Variants in NDST4 observed in about 807,000 individuals in gnomAD.
NDST4 encodes N-heparan sulfate sulfotransferase 4.
Under a neutral mutation model 100.8 loss-of-function variants are expected in NDST4, and 63 were observed. The observed-to-expected ratio is 0.62, with a 90% CI of 0.51 to 0.77. NDST4 has a LOEUF of 0.77. Among genes scored for constraint, NDST4 ranks in the 30% least tolerant of loss-of-function variants. NDST4 has a pLI of 0.00. For synonymous variants in NDST4, 377 were observed against 361.8 expected (o/e 1.04, Z -0.48); for missense variants, 943 against 1,018.4 (o/e 0.93, Z 1.01).
intron 1 of NDST4, among the ~76,000 whole-genome samples, chr4:115,081,201 G>T (rs530415966): frequency 6.6e-6 from 1 of 152,192 alleles, no homozygotes; most frequent in East Asian, 1.9e-4. Context: ...TTAGAAGAAT[G>T]ATAGATACAT....
At chr4:115,024,382 G>A (rs1727932275) in intron 2 of NDST4, among the ~76,000 whole-genome samples, 1 of 152,124 alleles carries the variant, frequency 6.6e-6, no homozygotes. Flanking sequence ...GGCTGCCTGA[G>A]GCCTTGGGGG....
At chr4:114,929,113 CATCTATCTATCTATCTATCT>C (rs70964332) in intron 6 of NDST4, among the ~76,000 whole-genome samples, 2 of 117,392 alleles carry the variant, frequency 1.7e-5, no homozygotes, top group Non-Finnish European at 3.7e-5. Flanking sequence ...TCCATCCATC[CATCTATCTATCTATCTATCT>C]ATCTATCTAT....
At chr4:114,993,337 A>T (rs1727081628) in intron 2 of NDST4, among the ~76,000 whole-genome samples, 1 of 151,866 alleles carries the variant, frequency 6.6e-6, no homozygotes, top group Admixed American at 6.6e-5. Context: ...ATGTATCTGT[A>T]AGAATTGGAG....
chr4:114,910,577 T>C (rs1725043315), intron 6 of NDST4, among the ~76,000 whole-genome samples: 2 of 152,240 alleles, frequency 1.3e-5, no homozygotes, highest in South Asian at 4.1e-4. Context: ...TTGAAATGTG[T>C]TCTTTTTCTC....
chr4:114,928,308 G>A (rs115838844), intron 6 of NDST4, among the ~76,000 whole-genome samples: 2,931 of 152,192 alleles, frequency 0.019, 45 homozygotes, highest in Middle Eastern at 0.054. Flanking sequence ...AGGCTTGTTG[G>A]AACCTTAAAC....
chr4:114,846,512 G>A (rs529691356), intron 9 of NDST4, among the ~76,000 whole-genome samples: 2 of 152,252 alleles, frequency 1.3e-5, no homozygotes, highest in East Asian at 1.9e-4. Context: ...TTCGTAATTT[G>A]TAGTATACGT....
rs140552464 is a variant in NDST4 at position 114,937,986 on chromosome 4, T to C, written c.1222-483A>G. On this transcript the variant is annotated intron_variant, in intron 4 of 13. Transcript: ENST00000264363. The stretch of plus-strand genomic sequence containing the variant: ...ACTGAAAGATTTTGAATTAATTCGA[T>C]TTCAACAAGGTAGATAAGGAAGCTC... Among the ~76,000 whole-genome samples, 711 of 152,266 alleles carry C rather than the reference T, an allele frequency of 4.7e-3. 6 individuals carry two copies. Among genetic ancestry groups the C allele is most frequent in the Middle Eastern group, 0.014 (4 of 294 alleles).
chr4:115,025,669 G>A (rs1727967786), intron 2 of NDST4, among the ~76,000 whole-genome samples: 1 of 152,038 alleles, frequency 6.6e-6, no homozygotes, highest in Non-Finnish European at 1.5e-5. Context: ...TTTCTAGAGT[G>A]CTTAAACTCT....
At chr4:114,967,251 C>A (rs1481336654) in intron 4 of NDST4, among the ~76,000 whole-genome samples, 1 of 152,066 alleles carries the variant, frequency 6.6e-6, no homozygotes, top group Non-Finnish European at 1.5e-5. Context: ...AGGAAAAGGA[C>A]AGTGTCATTT....
intron 8 of NDST4, among the ~76,000 whole-genome samples, chr4:114,849,047 T>C (rs1325222999): frequency 6.6e-6 from 1 of 152,164 alleles, no homozygotes; most frequent in African/African-American, 2.4e-5. Flanking sequence ...CACAGCAAGG[T>C]TGAAAGAAGA....
intron 4 of NDST4, among the ~76,000 whole-genome samples, chr4:114,967,408 A>ACT (rs952651196): frequency 6.6e-6 from 1 of 152,126 alleles, no homozygotes; most frequent in Non-Finnish European, 1.5e-5. Context: ...CTCTGAATGG[A>ACT]CTCTAAATAG....
At chr4:114,996,407 A>G (rs1727163535) in intron 2 of NDST4, among the ~76,000 whole-genome samples, 1 of 152,116 alleles carries the variant, frequency 6.6e-6, no homozygotes, top group South Asian at 2.1e-4. Flanking sequence ...AGACCTGAGT[A>G]TTTCTTTATA....
At chr4:115,032,627 A>G (rs1430605280) in intron 2 of NDST4, among the ~76,000 whole-genome samples, 1 of 152,154 alleles carries the variant, frequency 6.6e-6, no homozygotes, top group Non-Finnish European at 1.5e-5. Context: ...TAAATAATAG[A>G]GTAATGCATA....
chr4:115,107,589 A>G (rs1488390280), intron 1 of NDST4, among the ~76,000 whole-genome samples: 1 of 151,924 alleles, frequency 6.6e-6, no homozygotes, highest in Non-Finnish European at 1.5e-5. Context: ...CAGTCCTATC[A>G]CTTTCACATA....
At chr4:115,099,586 G>A (rs961982532) in intron 1 of NDST4, among the ~76,000 whole-genome samples, 1 of 152,018 alleles carries the variant, frequency 6.6e-6, no homozygotes, top group Non-Finnish European at 1.5e-5. Flanking sequence ...ATGGTACTGG[G>A]GAGTTGCGAA....
chr4:114,860,190 T>C (rs1413754333), intron 7 of NDST4, among the ~76,000 whole-genome samples: 1 of 152,242 alleles, frequency 6.6e-6, no homozygotes, highest in Non-Finnish European at 1.5e-5. Flanking sequence ...ACATTCCTTA[T>C]TTAATTCACA....
At chr4:115,020,216 G>C (rs1353279913) in intron 2 of NDST4, among the ~76,000 whole-genome samples, 1 of 152,056 alleles carries the variant, frequency 6.6e-6, no homozygotes, top group Non-Finnish European at 1.5e-5. Context: ...AGTGATCATA[G>C]TCAGAATGTT....
At chr4:114,966,343 A>T (rs1726382422) in intron 4 of NDST4, among the ~76,000 whole-genome samples, 1 of 152,044 alleles carries the variant, frequency 6.6e-6, no homozygotes, top group Admixed American at 6.6e-5. Flanking sequence ...TTATATTAAT[A>T]AAGTCTCTTC....
At chr4:114,843,097 A>G (rs1037720705) in intron 10 of NDST4, among the ~76,000 whole-genome samples, 3 of 152,190 alleles carry the variant, frequency 2.0e-5, no homozygotes, top group African/African-American at 7.2e-5. Context: ...TCAAATTATC[A>G]TATGATGATT....
Sources: allele counts gnomAD v4.1 joint callset (sites outside exome capture counted in the v4.1 genomes callset), GRCh38; gene constraint gnomAD v4.1.1; transcripts MANE v1.5; gene names NCBI Gene and HGNC (gene_info 2026-07-23, HGNC 2026-07-21).